Variants in PFKFB1 observed in about 807,000 individuals in gnomAD.
The protein encoded by PFKFB1 is 6-phosphofructo-2-kinase/fructose-2,6-biphosphatase 1.
A neutral mutation model predicts 46.4 loss-of-function variants in PFKFB1; 34 were observed. The ratio of observed to expected loss-of-function variants is 0.73; its 90% CI spans 0.56 to 0.98. The LOEUF is 0.98. Among genes scored for constraint, PFKFB1 ranks in the 50% least tolerant of loss-of-function variants. PFKFB1 has a pLI of 0.00. For synonymous variants in PFKFB1, 119 were observed against 133.8 expected, an observed-to-expected ratio of 0.89 and a Z score of 0.76; for missense variants, 393 against 376.3, an observed-to-expected ratio of 1.04 and a Z score of -0.37.
chrX:54,959,237 C>T (rs898975854), intron 4 of PFKFB1, among the ~76,000 whole-genome samples: 5 of 110,248 alleles, frequency 4.5e-5, no homozygotes, highest in African/African-American at 1.7e-4. Context: ...CCAAAGTCAC[C>T]GAGAGTTGCT....
chrX:54,938,032 A>G (rs1418241725), intron 10 of PFKFB1, among the ~76,000 whole-genome samples: 1 of 112,332 alleles, frequency 8.9e-6, no homozygotes, highest in East Asian at 2.8e-4. Context: ...CACAAAAATA[A>G]AGAAAATTTT....
Position 54,991,537 on chromosome X carries a change from CTCTGTG to C in PFKFB1, c.97+2368_97+2373del, listed in dbSNP as rs1422830557. On this transcript the variant is annotated intron_variant, in intron 1 of 13. Coordinates refer to ENST00000375006, the MANE Select transcript of PFKFB1 (RefSeq NM_002625.4). Reference sequence around the variant, plus strand: ...TCTCTCTCTCTCTCCCTCTCTCTCTCTCTGTGTGTGTGTGTGTGTGTGTGTGTGTGT... The same window carrying C: ...TCTCTCTCTCTCTCCCTCTCTCTCTCTGTGTGTGTGTGTGTGTGTGTGTGT... Among the ~76,000 whole-genome samples the C allele has an allele frequency of 7.6e-3, 751 of 98,351 alleles. 5 individuals carry two copies. The highest frequency in any genetic ancestry group is 0.02 in the African/African-American group (538 of 26,282). The allele number at this position is 98,351 out of a possible 115,157, so 85.4% of individuals were successfully genotyped here. A position where few individuals can be genotyped will look rare whatever the true frequency, so the allele number is the denominator to read the frequency against.
chrX:54,947,698 C>G (rs1342914954), intron 9 of PFKFB1, among the ~76,000 whole-genome samples: 1 of 111,679 alleles, frequency 9.0e-6, no homozygotes. Context: ...AGTGGTGAAG[C>G]TTTTATGTTG....
chrX:54,948,281 C>T (rs1423953834), intron 9 of PFKFB1, among the ~76,000 whole-genome samples: 1 of 111,826 alleles, frequency 8.9e-6, no homozygotes. Flanking sequence ...GATGCCACTA[C>T]TCTGGTTCAA....
Position 54,963,266 on chromosome X carries a change from G to A in PFKFB1, c.214C>T (p.Pro72Ser). The change falls in exon 2 of 14, where the codon CCA (proline) becomes TCA (serine). Residue 72 changes from proline (P) to serine (S), a missense_variant. Coordinates refer to ENST00000375006, the MANE Select transcript of PFKFB1 (RefSeq NM_002625.4). The stretch of plus-strand genomic sequence containing the variant: ...GCTTTCAGAGACATACCTTTAGTTG[G>A]TGTTCCTATCCAGTTGAGATATCGT... Reference protein sequence around the residue: ...LTRYLNWIGTPTKVFNLGQYR... With the variant: ...LTRYLNWIGTSTKVFNLGQYR... The A allele has an allele frequency of 1.7e-6, 2 of 1,209,668 alleles. No individual in the cohort carries two copies. The highest frequency in any genetic ancestry group is 3.5e-5 in the African/African-American group (2 of 57,696).
chrX:54,950,859 G>C (rs1054329254), intron 8 of PFKFB1, among the ~76,000 whole-genome samples: 1 of 112,647 alleles, frequency 8.9e-6, no homozygotes, highest in Non-Finnish European at 1.9e-5. Flanking sequence ...CATCTCCAGT[G>C]GGGGAGCTGA....
chrX:54,984,887 A>C (rs1935076394), intron 1 of PFKFB1, among the ~76,000 whole-genome samples: 1 of 110,685 alleles, frequency 9.0e-6, no homozygotes, highest in African/African-American at 3.3e-5. Context: ...ATAGGCTAAG[A>C]ATACTGAGGT....
At chrX:54,992,542 G>C (rs1935267732) in intron 1 of PFKFB1, among the ~76,000 whole-genome samples, 1 of 112,040 alleles carries the variant, frequency 8.9e-6, no homozygotes, top group Non-Finnish European at 1.9e-5. Context: ...CAATAACACT[G>C]GGTTGCAGGC....
chrX:54,971,682 G>A (rs1934665021), intron 1 of PFKFB1, among the ~76,000 whole-genome samples: 2 of 111,835 alleles, frequency 1.8e-5, no homozygotes, highest in Middle Eastern at 4.6e-3. Flanking sequence ...GCTCTGTTCT[G>A]TTCCATTGAT....
chrX:54,988,524 A>C (rs1452592573), intron 1 of PFKFB1, among the ~76,000 whole-genome samples: 2 of 112,026 alleles, frequency 1.8e-5, no homozygotes, highest in African/African-American at 6.5e-5. Context: ...TAGCCAAAAC[A>C]ATCATAAAAA....
intron 1 of PFKFB1, among the ~76,000 whole-genome samples, chrX:54,986,511 C>T: frequency 9.0e-6 from 1 of 111,194 alleles, no homozygotes; most frequent in Non-Finnish European, 1.9e-5. Context: ...AACGTATATG[C>T]CTAAACAACA....
chrX:54,994,565 C>G (rs954055839), upstream of PFKFB1: 9 of 752,474 alleles, frequency 1.2e-5, no homozygotes, highest in Non-Finnish European at 1.4e-5. Flanking sequence ...ATGCAAGGTT[C>G]CCAAGGACAA....
In PFKFB1 at chrX:54,960,847, G is replaced by C. The variant is rs1934289185; in HGVS notation, c.294C>G (p.Asn98Lys). The C allele has an allele frequency of 8.4e-7, 1 of 1,185,941 alleles. No individual in the cohort carries two copies. The highest frequency in any genetic ancestry group is 2.4e-4 in the Middle Eastern group (1 of 4,232). The change falls in exon 3 of 14, where the codon AAC becomes AAG. Residue 98 changes from asparagine (N) to lysine (K), a missense_variant. Transcript: ENST00000375006. ...ACTTCCTGATTTGCAGGGCTTCCATGTTGTCTGGAAGAAAGAATTCATAGT... is the reference window on the plus strand; with the variant it reads ...ACTTCCTGATTTGCAGGGCTTCCATCTTGTCTGGAAGAAAGAATTCATAGT... ...YKNYEFFLPD[N>K]MEALQIRKQC...
intron 11 of PFKFB1, 54 bp downstream of exon 11, chrX:54,937,541 T>C: frequency 9.1e-7 from 1 of 1,095,183 alleles, no homozygotes; most frequent in Non-Finnish European, 1.3e-6. Context: ...TAATTGTTGG[T>C]GTCAGTGTCT....
chrX:54,987,249 A>C (rs1454058668), intron 1 of PFKFB1, among the ~76,000 whole-genome samples: 1 of 111,619 alleles, frequency 9.0e-6, no homozygotes, highest in Non-Finnish European at 1.9e-5. Context: ...ACTGACTAAA[A>C]AAGAAATGAA....
chrX:54,972,294 T>G (rs1934694162), intron 1 of PFKFB1, among the ~76,000 whole-genome samples: 1 of 109,663 alleles, frequency 9.1e-6, no homozygotes, highest in African/African-American at 3.3e-5. Flanking sequence ...ACAGGGACAA[T>G]TTGACTTCCT....
chrX:54,940,236 G>C (rs559054608), intron 10 of PFKFB1, among the ~76,000 whole-genome samples: 2 of 111,493 alleles, frequency 1.8e-5, no homozygotes, highest in African/African-American at 3.3e-5. Flanking sequence ...TTGATGGGAC[G>C]TATCTCAAAA....
At chrX:54,982,887 A>C (rs2146679090) in intron 1 of PFKFB1, among the ~76,000 whole-genome samples, 1 of 111,726 alleles carries the variant, frequency 9.0e-6, no homozygotes, top group South Asian at 3.7e-4. Flanking sequence ...TAATGATAAA[A>C]ACTTTCAGCA....
Position 54,994,091 on chromosome X carries a change from G to A in PFKFB1, c.-84C>T. 9 of 1,147,497 alleles carry A rather than the reference G, an allele frequency of 7.8e-6. No homozygotes were observed. Among genetic ancestry groups the A allele is most frequent in the Non-Finnish European group, 1.0e-5 (9 of 862,480 alleles). 94.6% of individuals were successfully genotyped at this position (1,147,497 alleles called of 1,213,427 possible). A position where few individuals can be genotyped will look rare whatever the true frequency, so the allele number is the denominator to read the frequency against. On this transcript the variant is annotated 5_prime_UTR_variant, in exon 1 of 14. Coordinates refer to ENST00000375006, the MANE Select transcript of PFKFB1 (RefSeq NM_002625.4). ...CTTACTAGCTGTCTTTTCTCTCGCT[G>A]TGGCCACAGCAGCAGGTGGACAGGG...
Sources: gnomAD v4.1 joint callset for allele counts (sites outside exome capture counted in the v4.1 genomes callset) on GRCh38, gnomAD v4.1.1 for gene constraint, MANE v1.5 for transcripts, NCBI Gene and HGNC (gene_info 2026-07-23, HGNC 2026-07-21) for gene names.